ULK4: variants seen among roughly 807,000 people sequenced by gnomAD.
ULK4 encodes the protein inactive serine/threonine-protein kinase ULK4.
ULK4 carries 133 observed loss-of-function variants against 160.6 expected under a neutral mutation model. That is an observed-to-expected ratio of 0.83 (90% CI 0.72 to 0.96). The LOEUF is 0.96. ULK4 is among the 40% of genes least tolerant of loss of function. The probability of loss-of-function intolerance (pLI) is 0.00; values close to 1 mark genes in which losing one functional copy is unlikely to be tolerated. For missense variants in ULK4, 1,580 were observed against 1,499.5 expected (o/e 1.05, Z -0.89); for synonymous variants, 534 against 539.8 (o/e 0.99, Z 0.15).
intron 30 of ULK4, among the ~76,000 whole-genome samples, chr3:41,660,208 T>C (rs1029911723): frequency 2.0e-5 from 3 of 151,976 alleles, no homozygotes; most frequent in African/African-American, 7.3e-5. Context: ...GGCAGGAGAA[T>C]AGCTTGAACC....
At chr3:41,650,823 T>TCCAG (rs2034710834) in intron 30 of ULK4, among the ~76,000 whole-genome samples, 1 of 152,220 alleles carries the variant, frequency 6.6e-6, no homozygotes, top group East Asian at 1.9e-4. Flanking sequence ...ATATTTTATT[T>TCCAG]ATAAAAGCAG....
intron 17 of ULK4, among the ~76,000 whole-genome samples, chr3:41,858,891 G>C (rs1171702912): frequency 6.6e-6 from 1 of 152,026 alleles, no homozygotes; most frequent in African/African-American, 2.4e-5. Flanking sequence ...TGAAAATACA[G>C]TAAGGTGTAA....
In ULK4 at chr3:41,327,164, C is replaced by G. The variant is rs976948707; in HGVS notation, c.3678+70915G>C. Among the ~76,000 whole-genome samples the G allele has an allele frequency of 3.3e-5, 5 of 152,188 alleles. No homozygotes were observed. The East Asian group carries it at 9.6e-4, about 29-fold the overall frequency. On this transcript the variant is annotated intron_variant, in intron 35 of 36. Coordinates refer to ENST00000301831, the MANE Select transcript of ULK4 (RefSeq NM_017886.4). ...AAAAAGAGGGTTGGAAATAAATCCC[C>G]GGCTTCTAGGAGGGGGAAAAAAGGA...
At chr3:41,393,959 C>T (rs2082005469) in intron 35 of ULK4, among the ~76,000 whole-genome samples, 1 of 152,044 alleles carries the variant, frequency 6.6e-6, no homozygotes, top group South Asian at 2.1e-4. Context: ...CTCCTTGAGC[C>T]TTAGTTTATA....
At chr3:41,454,566 A>G (rs1399318150) in intron 34 of ULK4, among the ~76,000 whole-genome samples, 2 of 151,792 alleles carry the variant, frequency 1.3e-5, no homozygotes, top group Non-Finnish European at 2.9e-5. Flanking sequence ...GAAAGAAAAG[A>G]AAAGAAAAAA....
chr3:41,632,332 A>C (rs1016941013), intron 30 of ULK4, among the ~76,000 whole-genome samples: 3 of 152,170 alleles, frequency 2.0e-5, no homozygotes, highest in African/African-American at 7.2e-5. Context: ...TTTTAAAATT[A>C]TTTTCCATTT....
At chr3:41,933,957 G>C (rs897987339) in intron 4 of ULK4, among the ~76,000 whole-genome samples, 1 of 152,092 alleles carries the variant, frequency 6.6e-6, no homozygotes, top group Admixed American at 6.5e-5. Context: ...AGAATCGCTT[G>C]AACCTGGCAT....
intron 34 of ULK4, among the ~76,000 whole-genome samples, chr3:41,450,469 G>A (rs867957289): frequency 2.0e-5 from 3 of 152,252 alleles, no homozygotes; most frequent in Non-Finnish European, 2.9e-5. Context: ...ATAAATATAG[G>A]TCATAAATTA....
At chr3:41,305,871 C>A (rs1282937295) in intron 35 of ULK4, among the ~76,000 whole-genome samples, 11 of 147,550 alleles carry the variant, frequency 7.5e-5, no homozygotes, top group Admixed American at 7.3e-4. Context: ...TCTGCCCCCC[C>A]GCCCCGTCTG....
intron 35 of ULK4, among the ~76,000 whole-genome samples, chr3:41,344,058 T>C (rs956396170): frequency 2.6e-5 from 4 of 152,172 alleles, no homozygotes; most frequent in Admixed American, 2.6e-4. Context: ...GGAGGCATCA[T>C]GCTACCTGAC....
intron 21 of ULK4, among the ~76,000 whole-genome samples, chr3:41,757,894 T>C (rs1299884554): frequency 1.3e-5 from 2 of 152,098 alleles, no homozygotes; most frequent in African/African-American, 4.8e-5. Context: ...CCCAAAGTGC[T>C]GGGATCACAG....
At chr3:41,622,598 G>A (rs1214878514) in intron 30 of ULK4, among the ~76,000 whole-genome samples, 11 of 152,068 alleles carry the variant, frequency 7.2e-5, no homozygotes, top group African/African-American at 1.9e-4. Context: ...AGGGCCTGTC[G>A]GGGAGTGGAG....
chr3:41,592,929 G>A (rs2031454656), intron 31 of ULK4, among the ~76,000 whole-genome samples: 1 of 151,970 alleles, frequency 6.6e-6, no homozygotes, highest in South Asian at 2.1e-4. Flanking sequence ...CACTTCCTCT[G>A]GGACATCCTC....
chr3:41,527,179 C>T (rs773158231), intron 32 of ULK4, among the ~76,000 whole-genome samples: 9 of 152,216 alleles, frequency 5.9e-5, no homozygotes, highest in Non-Finnish European at 1.2e-4. Flanking sequence ...CAGCTTTGCA[C>T]GTAGTGCCAC....
chr3:41,752,321 G>T (rs1053224591), intron 22 of ULK4, among the ~76,000 whole-genome samples: 2 of 152,158 alleles, frequency 1.3e-5, no homozygotes, highest in African/African-American at 4.8e-5. Context: ...AGGTAGCAAA[G>T]CCAGCAGTGA....
intron 18 of ULK4, among the ~76,000 whole-genome samples, chr3:41,825,539 A>G (rs1262306203): frequency 6.6e-6 from 1 of 152,284 alleles, no homozygotes; most frequent in Non-Finnish European, 1.5e-5. Flanking sequence ...AGCCAATTCG[A>G]TCAACTGGAA....
At chr3:41,430,696 G>C (rs1203714720) in intron 34 of ULK4, among the ~76,000 whole-genome samples, 1 of 152,166 alleles carries the variant, frequency 6.6e-6, no homozygotes, top group African/African-American at 2.4e-5. Context: ...CATGGGAAAG[G>C]CCTCTGGGAG....
chr3:41,408,083 T>G (rs957610956), intron 34 of ULK4, among the ~76,000 whole-genome samples: 2 of 151,990 alleles, frequency 1.3e-5, no homozygotes, highest in African/African-American at 4.8e-5. Context: ...TAATTTCATT[T>G]ATAATAGCAT....
intron 35 of ULK4, among the ~76,000 whole-genome samples, chr3:41,262,833 T>C (rs1265936602): frequency 6.6e-6 from 1 of 152,200 alleles, no homozygotes; most frequent in East Asian, 1.9e-4. Flanking sequence ...TCTAAAATGT[T>C]GAATATAATA....
Sources: allele counts gnomAD v4.1 joint callset (sites outside exome capture counted in the v4.1 genomes callset), GRCh38; gene constraint gnomAD v4.1.1; transcripts MANE v1.5; gene names NCBI Gene and HGNC (gene_info 2026-07-23, HGNC 2026-07-21).